Variants in ZNF782 observed in about 807,000 individuals in gnomAD.
ZNF782 encodes zinc finger protein 782.
Under a neutral mutation model 13.0 loss-of-function variants are expected in ZNF782, and 12 were observed. The observed-to-expected ratio is 0.92, with a 90% CI of 0.59 to 1.50. The LOEUF (loss-of-function observed/expected upper bound fraction) is 1.50, where lower values mean the gene tolerates loss of function less well. Ranked by LOEUF, ZNF782 falls within the 40% of genes most tolerant of loss-of-function variation. The pLI is 0.00. For missense variants in ZNF782, 770 were observed against 822.9 expected, an observed-to-expected ratio of 0.94 and a Z score of 0.79; for synonymous variants, 284 against 283.0, an observed-to-expected ratio of 1.00 and a Z score of -0.04.
chr9:96,821,652 C>G (rs1256437642), intron 5 of ZNF782, among the ~76,000 whole-genome samples: 8 of 150,920 alleles, frequency 5.3e-5, no homozygotes, highest in East Asian at 2.0e-4. Flanking sequence ...CTTAGTTGTA[C>G]GTCAAATAAT....
the ZNF782 span, among the ~76,000 whole-genome samples, chr9:96,926,950 C>T: frequency 6.6e-6 from 1 of 152,162 alleles, no homozygotes; most frequent in African/African-American, 2.4e-5. Context: ...GGAGTGACAT[C>T]TGTGTCTCAG....
chr9:96,910,663 G>A, the ZNF782 span, among the ~76,000 whole-genome samples: 1 of 150,778 alleles, frequency 6.6e-6, no homozygotes, highest in African/African-American at 2.4e-5. Flanking sequence ...TTGAGGCAGA[G>A]TCTTGCTCTG....
At chr9:96,852,026 T>G in intron 2 of ZNF782, 21 bp from the exon 3 acceptor site, 1 of 1,536,440 alleles carries the variant, frequency 6.5e-7, no homozygotes, top group Non-Finnish European at 9.0e-7. Context: ...AGAAAGAGGA[T>G]GTCACACGGT....
chr9:96,879,516 A>C (rs1333080438), upstream of ZNF782, among the ~76,000 whole-genome samples: 1 of 152,174 alleles, frequency 6.6e-6, no homozygotes, highest in Non-Finnish European at 1.5e-5. Context: ...AACAAACAAA[A>C]AAAGAAACAA....
chr9:96,876,179 G>A (rs988348305), upstream of ZNF782, among the ~76,000 whole-genome samples: 5 of 152,214 alleles, frequency 3.3e-5, no homozygotes, highest in Non-Finnish European at 7.3e-5. Context: ...TTTGGGAAAT[G>A]TGAATGTGTA....
chr9:96,903,556 G>GTTTTTTTTTT, the ZNF782 span, among the ~76,000 whole-genome samples: 10 of 75,462 alleles, frequency 1.3e-4, no homozygotes, highest in Non-Finnish European at 1.5e-4. Flanking sequence ...TTTTATGTTG[G>GTTTTTTTTTT]TTTTTTTTTT....
chr9:96,897,676 C>G, the ZNF782 span, among the ~76,000 whole-genome samples: 12 of 150,998 alleles, frequency 7.9e-5, 1 homozygote, highest in African/African-American at 2.9e-4. Context: ...ATGTGCTTGT[C>G]CCGGTGGTGC....
At chr9:96,886,795 T>C in the ZNF782 span, among the ~76,000 whole-genome samples, 2 of 151,458 alleles carry the variant, frequency 1.3e-5, no homozygotes, top group Non-Finnish European at 2.9e-5. Context: ...TAGTGACATG[T>C]CCCTGTAATC....
chr9:96,924,922 G>A, the ZNF782 span, among the ~76,000 whole-genome samples: 7 of 152,238 alleles, frequency 4.6e-5, no homozygotes, highest in Admixed American at 1.3e-4. Flanking sequence ...CTCCCGCCTT[G>A]AGCGCAGCCA....
intron 5 of ZNF782, among the ~76,000 whole-genome samples, chr9:96,825,509 G>A (rs1311186741): frequency 6.6e-6 from 1 of 151,924 alleles, no homozygotes; most frequent in Non-Finnish European, 1.5e-5. Flanking sequence ...AGGATTTCAT[G>A]TCTAAAACAC....
chr9:96,901,518 C>G, the ZNF782 span, among the ~76,000 whole-genome samples: 3 of 151,762 alleles, frequency 2.0e-5, no homozygotes, highest in Non-Finnish European at 2.9e-5. Context: ...GAGATCCTCC[C>G]ACCTCGGCCT....
In ZNF782 at chr9:96,827,194, A is replaced by G. The variant is rs1294049242; in HGVS notation, c.143-13T>C. On this transcript the variant is annotated splice_polypyrimidine_tract_variant and intron_variant, in intron 4 of 5. Transcript: ENST00000481138. The stretch of plus-strand genomic sequence containing the variant: ...GTAAAGCAGTAGCCTATAAATGGGA[A>G]ACAATTTAGCATTTGCATTAGTTGC... 1 of 1,583,326 alleles carries G rather than the reference A, an allele frequency of 6.3e-7. No individual in the cohort carries two copies. The highest frequency in any genetic ancestry group is 1.1e-5 in the South Asian group (1 of 88,366).
At chr9:96,894,688 C>T in the ZNF782 span, 1 of 152,108 alleles carries the variant, frequency 6.6e-6, no homozygotes, top group African/African-American at 2.4e-5. Flanking sequence ...GAACAAGTGT[C>T]ATTGAAAAAT....
At chr9:96,821,261 C>T (rs760324028) in intron 5 of ZNF782, among the ~76,000 whole-genome samples, 1 of 152,208 alleles carries the variant, frequency 6.6e-6, no homozygotes, top group Non-Finnish European at 1.5e-5. Flanking sequence ...CAACAGCCCA[C>T]AGTCTTTTCT....
In ZNF782 at chr9:96,819,752, C is replaced by G; in HGVS notation, c.271G>C (p.Glu91Gln). The G allele has an allele frequency of 6.2e-7, 1 of 1,605,810 alleles. No individual in the cohort carries two copies. The highest frequency in any genetic ancestry group is 1.7e-5 in the Admixed American group (1 of 58,460). ...PEDSQPDEIS[E>Q]KSPENQGKHL... ...TTGCCTTGATTTTCTGGGCTCTTCT[C>G]TGAGATTTCATCAGGTTGGGAGTCT... The change falls in exon 6 of 6, where the codon GAG (glutamate) becomes CAG (glutamine). Residue 91 changes from glutamate (E) to glutamine (Q), a missense_variant. Glu to Gln is a conservative substitution (Grantham distance 29). Coordinates refer to ENST00000481138, the MANE Select transcript of ZNF782 (RefSeq NM_001001662.3).
chr9:96,835,205 T>C (rs1049272339), intron 4 of ZNF782, among the ~76,000 whole-genome samples: 2 of 152,204 alleles, frequency 1.3e-5, no homozygotes, highest in Non-Finnish European at 2.9e-5. Context: ...GCTCAAGAAG[T>C]GGCATGGTTA....
At chr9:96,875,612 A>C (rs1196595511) in exon 1 of ZNF782, 1 of 456,232 alleles carries the variant, frequency 2.2e-6, no homozygotes, top group African/African-American at 2.0e-5. Flanking sequence ...CGCTTTCCCC[A>C]AGGTTCGCAC....
intron 1 of ZNF782, among the ~76,000 whole-genome samples, chr9:96,867,891 A>G (rs1025424805): frequency 2.0e-5 from 3 of 152,224 alleles, no homozygotes; most frequent in African/African-American, 7.2e-5. Context: ...ATCCAACTGC[A>G]TAGCCTTCAT....
the ZNF782 span, among the ~76,000 whole-genome samples, chr9:96,913,493 C>T: frequency 5.9e-5 from 9 of 151,750 alleles, no homozygotes; most frequent in East Asian, 1.9e-4. Flanking sequence ...TTGACAAATG[C>T]GCCCTTCTAA....
Sources: allele counts gnomAD v4.1 joint callset (sites outside exome capture counted in the v4.1 genomes callset), GRCh38; gene constraint gnomAD v4.1.1; transcripts MANE v1.5; gene names NCBI Gene and HGNC (gene_info 2026-07-23, HGNC 2026-07-21).